Variants in PRH1 observed in about 807,000 individuals in gnomAD.
The protein encoded by PRH1 is salivary acidic proline-rich phosphoprotein 1/2.
Under a neutral mutation model 7.9 loss-of-function variants are expected in PRH1, and 7 were observed. The ratio of observed to expected loss-of-function variants is 0.89; its 90% CI spans 0.50 to 1.67. The LOEUF (loss-of-function observed/expected upper bound fraction) is 1.67. PRH1 is among the 40% of genes most tolerant of loss of function. The probability of loss-of-function intolerance (pLI) is 0.00; values close to 1 mark genes in which losing one functional copy is unlikely to be tolerated. For synonymous variants in PRH1, 45 were observed against 80.8 expected (o/e 0.56, Z 2.38); for missense variants, 109 against 223.6 (o/e 0.49, Z 3.27).
chr12:11,171,435 T>C, exon 1 of PRH1: 3 of 1,232,032 alleles, frequency 2.4e-6, no homozygotes, highest in East Asian at 6.3e-5. Flanking sequence ...GTACGGCGTC[T>C]TCTGCAAGGG....
intron 1 of PRH1, among the ~76,000 whole-genome samples, chr12:11,060,968 A>T (rs1372610611): frequency 1.3e-5 from 2 of 152,278 alleles, no homozygotes; most frequent in Middle Eastern, 3.2e-3. Flanking sequence ...GAAAACAGCA[A>T]TGTCTTTCCT....
At chr12:10,972,161 G>A (rs11054124) in intron 2 of PRH1, among the ~76,000 whole-genome samples, 36,937 of 151,898 alleles carry the variant, frequency 0.24, 4,526 homozygotes, top group Non-Finnish European at 0.25. Flanking sequence ...TAATATAGGT[G>A]TCATGGGAAA....
chr12:10,957,959 G>C (rs1938056396), intron 2 of PRH1, among the ~76,000 whole-genome samples: 1 of 152,140 alleles, frequency 6.6e-6, no homozygotes, highest in Non-Finnish European at 1.5e-5. Flanking sequence ...TCACACTGCT[G>C]GTGGGGAGGT....
chr12:10,898,416 A>C (rs1949679065), intron 2 of PRH1, among the ~76,000 whole-genome samples: 1 of 152,208 alleles, frequency 6.6e-6, no homozygotes, highest in Non-Finnish European at 1.5e-5. Flanking sequence ...AATGCAAACA[A>C]AACTGAAACT....
chr12:11,015,090 T>C (rs1445289463), intron 1 of PRH1, among the ~76,000 whole-genome samples: 1 of 152,118 alleles, frequency 6.6e-6, no homozygotes, highest in Non-Finnish European at 1.5e-5. Context: ...GAAAACAACC[T>C]TCTGGGGGCA....
chr12:11,073,079 T>C (rs1441073428), intron 1 of PRH1, among the ~76,000 whole-genome samples: 1 of 119,236 alleles, frequency 8.4e-6, no homozygotes, highest in East Asian at 2.1e-4. Context: ...AACATAGATA[T>C]TGTTTTTAAG....
At position 10,929,300 on chromosome 12, in the gene PRH1, C is replaced by G. The variant is rs755493396; in HGVS notation, c.-59+44355G>C. 12 of 1,613,970 alleles carry G rather than the reference C, an allele frequency of 7.4e-6. No homozygotes were observed. In the South Asian group the frequency reaches 1.2e-4, roughly 16 times the overall value. On this transcript the variant is annotated intron_variant, in intron 2 of 3. Coordinates refer to the PRH1 transcript ENST00000539853. ...TGCTTCTGATTCTGCTGTCAGTGGC[C>G]CTGCTGGCCTTCAGCTCAGCTCAGG... is the stretch of plus-strand genomic sequence containing the variant.
chr12:11,054,799 T>C (rs990688153), intron 1 of PRH1, among the ~76,000 whole-genome samples: 5 of 114,386 alleles, frequency 4.4e-5, no homozygotes, highest in Admixed American at 8.9e-5. Flanking sequence ...ATGTTTCTTT[T>C]TTTTTTTTTT....
intron 1 of PRH1, chr12:11,091,757 A>T (rs200257456): frequency 0.13 from 122,671 of 944,716 alleles, 47,677 homozygotes; most frequent in Admixed American, 0.21. Context: ...GTTTCCTTCA[A>T]ATTCTTTTGT....
rs1206205330 is a variant in PRH1 at position 11,087,470 on chromosome 12, T to C, written n.124-40282A>G. Among the ~76,000 whole-genome samples the C allele has an allele frequency of 2.6e-5, 3 of 116,144 alleles. 1 individual carries two copies. The highest frequency in any genetic ancestry group is 5.8e-5 in the African/African-American group (2 of 34,610). 76.2% of individuals were successfully genotyped at this position (116,144 alleles called of 152,430 possible). A position where few individuals can be genotyped will look rare whatever the true frequency, so the allele number is the denominator to read the frequency against. Reference sequence around the variant, plus strand: ...CCATCCCAAGGTGGAGCTAATCAGTTTGTAGTTATTACCTCTTCCTGAAAG... The same window carrying C: ...CCATCCCAAGGTGGAGCTAATCAGTCTGTAGTTATTACCTCTTCCTGAAAG... On this transcript the variant is annotated intron_variant and non_coding_transcript_variant, in intron 1 of 4. Coordinates refer to the PRH1 transcript ENST00000541977.
At chr12:11,031,257 TG>T in intron 1 of PRH1, 1 of 1,614,080 alleles carries the variant, frequency 6.2e-7, no homozygotes, top group Non-Finnish European at 8.5e-7. Flanking sequence ...ACCAATGCTA[TG>T]AAGCCATTAG....
intron 1 of PRH1, among the ~76,000 whole-genome samples, chr12:10,975,046 T>A (rs1297512681): frequency 6.6e-6 from 1 of 152,092 alleles, no homozygotes; most frequent in East Asian, 1.9e-4. Context: ...GGGGAAAGAA[T>A]CAACGAAGGA....
chr12:11,022,540 A>G, intron 1 of PRH1: 1 of 1,612,614 alleles, frequency 6.2e-7, no homozygotes, highest in Non-Finnish European at 8.5e-7. Flanking sequence ...CACTACCAGA[A>G]TTGATGAAAT....
In PRH1 at chr12:11,085,752, C is replaced by A. The variant is rs1298093055; in HGVS notation, n.124-38564G>T. On this transcript the variant is annotated intron_variant and non_coding_transcript_variant, in intron 1 of 4. Coordinates refer to the PRH1 transcript ENST00000541977. ...ACCTGAATTCTCAATTCCAGGCATA[C>A]AAATCAAGTCATATTCTTATTCATC... is the stretch of plus-strand genomic sequence containing the variant. Among the ~76,000 whole-genome samples, 2 of 117,104 alleles carry A rather than the reference C, an allele frequency of 1.7e-5. 1 individual carries two copies. Among genetic ancestry groups the A allele is most frequent in the Non-Finnish European group, 4.1e-5 (2 of 49,312 alleles). The allele number at this position is 117,104 out of a possible 152,430, so 76.8% of individuals were successfully genotyped here.
intron 1 of PRH1, 88 bp downstream of exon 1, chr12:10,884,063 ATCC>A (rs1430608522): frequency 6.7e-7 from 1 of 1,497,006 alleles, no homozygotes; most frequent in Admixed American, 1.8e-5. Flanking sequence ...CTGTTTTCTC[ATCC>A]TCCTCTCTTC....
chr12:10,937,831 T>A (rs1274767539), intron 2 of PRH1: 1 of 153,790 alleles, frequency 6.5e-6, no homozygotes. Flanking sequence ...CTAAATATTA[T>A]ACAAAAATTA....
chr12:11,166,742 T>C (rs74062454), intron 1 of PRH1, among the ~76,000 whole-genome samples: 1 of 152,212 alleles, frequency 6.6e-6, no homozygotes, highest in Non-Finnish European at 1.5e-5. Context: ...ATAAATTTAG[T>C]GGCTTAAATA....
chr12:11,170,762 T>A (rs1309594381), intron 1 of PRH1, among the ~76,000 whole-genome samples: 1 of 152,242 alleles, frequency 6.6e-6, no homozygotes, highest in African/African-American at 2.4e-5. Flanking sequence ...TTTGCTTGAA[T>A]GTTTATCATT....
chr12:10,962,526 C>G (rs1938287093), intron 2 of PRH1, among the ~76,000 whole-genome samples: 1 of 152,158 alleles, frequency 6.6e-6, no homozygotes, highest in Non-Finnish European at 1.5e-5. Flanking sequence ...CACACTTTTA[C>G]TCTGAAAAAT....
Sources: gnomAD v4.1 joint callset for allele counts (sites outside exome capture counted in the v4.1 genomes callset) on GRCh38, gnomAD v4.1.1 for gene constraint, MANE v1.5 for transcripts, NCBI Gene and HGNC (gene_info 2026-07-23, HGNC 2026-07-21) for gene names.